VPS33B: variants seen among roughly 807,000 people sequenced by gnomAD.
VPS33B encodes the protein vacuolar protein sorting-associated protein 33B.
Under a neutral mutation model 95.3 loss-of-function variants are expected in VPS33B, and 80 were observed. That is an observed-to-expected ratio of 0.84 (90% CI 0.70 to 1.01). The LOEUF (loss-of-function observed/expected upper bound fraction) is 1.01. VPS33B is among the 50% of genes least tolerant of loss of function. The pLI is 0.00. For synonymous variants in VPS33B, 280 were observed against 280.4 expected (o/e 1.00, Z 0.01); for missense variants, 715 against 773.4 (o/e 0.92, Z 0.90).
At position 91,015,033 on chromosome 15, in the gene VPS33B, T is replaced by A. The variant is rs533651999; in HGVS notation, c.240-600A>T. 3.5e-3 allele frequency among the ~76,000 whole-genome samples: 529 copies of A among 150,946 alleles called. 2 individuals carry two copies. The highest frequency in any genetic ancestry group is 0.012 in the African/African-American group (504 of 40,850). ...CCAGCCAACATGGTGAAACCCCGTC[T>A]CTACTAAAAATACAAACATTGGCTG... On this transcript the variant is annotated intron_variant, in intron 3 of 22. Coordinates refer to ENST00000333371, the MANE Select transcript of VPS33B (RefSeq NM_018668.5). The surrounding 1 kb of genome is among the most constrained non-coding windows in gnomAD (Gnocchi z 4.7).
At chr15:91,003,158 G>A (rs751541954) in intron 16 of VPS33B, 27 bp from the exon 17 acceptor site, 2 of 1,613,694 alleles carry the variant, frequency 1.2e-6, no homozygotes, top group African/African-American at 1.3e-5. Context: ...TAAGACAGGT[G>A]CATGAGAAAG....
chr15:91,008,284 G>A (rs1251980946), intron 6 of VPS33B, among the ~76,000 whole-genome samples: 5 of 152,190 alleles, frequency 3.3e-5, no homozygotes, highest in African/African-American at 1.2e-4. Context: ...TTTATTTAGA[G>A]ATGGAGTTTA....
At chr15:91,019,940 G>C (rs1227403457) in intron 1 of VPS33B, among the ~76,000 whole-genome samples, 2 of 152,042 alleles carry the variant, frequency 1.3e-5, no homozygotes, top group Non-Finnish European at 2.9e-5. Context: ...TGAGTAGCTG[G>C]GATTACAAGC....
chr15:91,007,187 C>G lies in VPS33B; in HGVS notation c.604-141G>C. On this transcript the variant is annotated intron_variant, in intron 8 of 22. Coordinates refer to ENST00000333371, the MANE Select transcript of VPS33B (RefSeq NM_018668.5). This position sits in a 1 kb window ranked among gnomAD's most constrained non-coding sequence, Gnocchi z 5.3. The stretch of plus-strand genomic sequence containing the variant: ...ATTATTCACAATATGGCCCTATCTA[C>G]TCCCGTCTGTGTCTATCTTTCCCCA... The G allele has an allele frequency of 1.1e-6, 1 of 895,338 alleles. No individual in the cohort carries two copies. The highest frequency in any genetic ancestry group is 1.4e-5 in the South Asian group (1 of 73,192). The allele number at this position is 895,338 out of a possible 1,614,324, so 55.5% of individuals were successfully genotyped here.
chr15:91,014,388 A>T lies in VPS33B; in HGVS notation c.285T>A (p.Ile95=), dbSNP rs760926057. 6.2e-7 allele frequency: 1 copy of T among 1,614,162 alleles called. No homozygotes were observed. Among genetic ancestry groups the T allele is most frequent in the Admixed American group, 1.7e-5 (1 of 60,024 alleles). The change falls in exon 4 of 23, where the codon ATT becomes ATA. Residue 95 remains isoleucine (I), a synonymous_variant. Transcript: ENST00000333371. ...VRPRIKNMRY[I]ASLVNADKLA... is the part of the protein sequence containing the mutation. ...ATAGTACCATGGCACACTCACTGGC[A>T]ATGTATCGCATATTCTTGATGCGGG...
chr15:91,014,512 C>T, intron 3 of VPS33B, 79 bp from the exon 4 acceptor site: 1 of 1,526,484 alleles, frequency 6.6e-7, no homozygotes, highest in Non-Finnish European at 9.0e-7. Context: ...TGAAACAATA[C>T]CAACTCTTTT....
chr15:91,006,804 G>C lies in VPS33B; in HGVS notation c.701-75C>G. On this transcript the variant is annotated intron_variant, in intron 9 of 22. Transcript: ENST00000333371. The surrounding 1 kb of genome is among the most constrained non-coding windows in gnomAD (Gnocchi z 5.4). ...ACACAGCATGTCCAAGGGCAGCTTTGATACTTTCCATAGGGCCAAGGACCC... is the reference window on the plus strand; with the variant it reads ...ACACAGCATGTCCAAGGGCAGCTTTCATACTTTCCATAGGGCCAAGGACCC... The C allele has an allele frequency of 6.3e-7, 1 of 1,598,174 alleles. No homozygotes were observed. The highest frequency in any genetic ancestry group is 2.2e-5 in the East Asian group (1 of 44,784).
Position 91,000,400 on chromosome 15 carries a change from T to TAA in VPS33B, c.1581+88_1581+89dup, listed in dbSNP as rs71154160. 4,642 of 1,021,720 alleles carry TAA rather than the reference T, an allele frequency of 4.5e-3. No individual in the cohort carries two copies. The highest frequency in any genetic ancestry group is 5.2e-3 in the Non-Finnish European group (3,781 of 727,744). 63.3% of individuals were successfully genotyped at this position (1,021,720 alleles called of 1,614,324 possible). On this transcript the variant is annotated intron_variant, in intron 20 of 22. Transcript: ENST00000333371. This position sits in a 1 kb window ranked among gnomAD's most constrained non-coding sequence, Gnocchi z 4.9. The stretch of plus-strand genomic sequence containing the variant: ...TGACAGAGCAAGACTCCATCTCAAA[T>TAA]AAAAAAAAAAAAACATTGAGACACG...
Position 91,005,022 on chromosome 15 carries a change from A to G in VPS33B, c.1170+33T>C, listed in dbSNP as rs773379782. On this transcript the variant is annotated intron_variant, in intron 15 of 22. Transcript: ENST00000333371. This position sits in a 1 kb window ranked among gnomAD's most constrained non-coding sequence, Gnocchi z 6.4. Reference sequence around the variant, plus strand: ...AAGGCCGACCCCACCTCTAAATGCCATTCTTGGCACCCCCAGCCCTCCACC... The same window carrying G: ...AAGGCCGACCCCACCTCTAAATGCCGTTCTTGGCACCCCCAGCCCTCCACC... The G allele has an allele frequency of 6.2e-7, 1 of 1,614,034 alleles. No homozygotes were observed.
At position 90,999,854 on chromosome 15, in the gene VPS33B, AG is replaced by A; in HGVS notation, c.1657+45del. The stretch of plus-strand genomic sequence containing the variant: ...CATGCTAGTCCTGAGTGGTGCATCC[AG>A]CCCACCTCTCACTGCCAGCCTACCC... On this transcript the variant is annotated intron_variant, in intron 21 of 22. Coordinates refer to ENST00000333371, the MANE Select transcript of VPS33B (RefSeq NM_018668.5). This position sits in a 1 kb window ranked among gnomAD's most constrained non-coding sequence, Gnocchi z 5.1. 1 of 1,613,624 alleles carries A rather than the reference AG, an allele frequency of 6.2e-7. No individual in the cohort carries two copies. Among genetic ancestry groups the A allele is most frequent in the East Asian group, 2.2e-5 (1 of 44,882 alleles).
chr15:91,004,222 T>TA (rs57109473), intron 16 of VPS33B, among the ~76,000 whole-genome samples: 7,147 of 113,866 alleles, frequency 0.063, 226 homozygotes, highest in Middle Eastern at 0.084. Context: ...GACTCTGTCT[T>TA]AAAAAAAAAA....
In VPS33B at chr15:91,015,229, A is replaced by G. The variant is rs933578127; in HGVS notation, c.240-796T>C. Among the ~76,000 whole-genome samples, 1 of 151,866 alleles carries G rather than the reference A, an allele frequency of 6.6e-6. No homozygotes were observed. The highest frequency in any genetic ancestry group is 1.5e-5 in the Non-Finnish European group (1 of 67,944). Reference sequence around the variant, plus strand: ...CGCATGTCTGTAATCCCAGCTACGCAGGAGGCTGAGGCAGGAGAATCGCTT... The same window carrying G: ...CGCATGTCTGTAATCCCAGCTACGCGGGAGGCTGAGGCAGGAGAATCGCTT... On this transcript the variant is annotated intron_variant, in intron 3 of 22. Coordinates refer to ENST00000333371, the MANE Select transcript of VPS33B (RefSeq NM_018668.5). This position sits in a 1 kb window ranked among gnomAD's most constrained non-coding sequence, Gnocchi z 4.7.
chr15:91,022,256 G>T lies in VPS33B; in HGVS notation c.-7C>A, dbSNP rs2289617. 2 of 1,554,940 alleles carry T rather than the reference G, an allele frequency of 1.3e-6. No individual in the cohort carries two copies. The highest frequency in any genetic ancestry group is 1.2e-5 in the South Asian group (1 of 85,460). ...GCCGATGGGGAAAAGCCATGGCAGC[G>T]GTCACCTGCGCCGCGGGGTGGAAGG... On this transcript the variant is annotated 5_prime_UTR_variant, in exon 1 of 23. Coordinates refer to ENST00000333371, the MANE Select transcript of VPS33B (RefSeq NM_018668.5).
chr15:91,002,021 A>G lies in VPS33B; in HGVS notation c.1405+29T>C. 1.2e-6 allele frequency: 2 copies of G among 1,613,072 alleles called. No homozygotes were observed. The highest frequency in any genetic ancestry group is 1.7e-6 in the Non-Finnish European group (2 of 1,179,934). On this transcript the variant is annotated intron_variant, in intron 18 of 22. Coordinates refer to ENST00000333371, the MANE Select transcript of VPS33B (RefSeq NM_018668.5). This position sits in a 1 kb window ranked among gnomAD's most constrained non-coding sequence, Gnocchi z 4.7. ...TGAGAGAAGTCAGGACAACAGCTGG[A>G]GCAGGGGTCACTTGTGCTCCCTGCT...
intron 1 of VPS33B, among the ~76,000 whole-genome samples, chr15:91,019,196 C>A (rs1201614252): frequency 6.8e-6 from 1 of 146,246 alleles, no homozygotes; most frequent in East Asian, 2.0e-4. Context: ...CAGCTCACTG[C>A]AACCTCTGCC....
At chr15:91,019,114 G>GTTTCT (rs2041030035) in intron 1 of VPS33B, among the ~76,000 whole-genome samples, 1 of 87,780 alleles carries the variant, frequency 1.1e-5, no homozygotes, top group Non-Finnish European at 2.1e-5. Context: ...CTCCTGGCCT[G>GTTTCT]TTTTTTTTTT....
rs1412163103 is a variant in VPS33B at position 91,006,367 on chromosome 15, C to T, written c.852+5G>A. On this transcript the variant is annotated splice_donor_5th_base_variant and intron_variant, in intron 11 of 22. Coordinates refer to ENST00000333371, the MANE Select transcript of VPS33B (RefSeq NM_018668.5). This position sits in a 1 kb window ranked among gnomAD's most constrained non-coding sequence, Gnocchi z 5.4. Reference sequence around the variant, plus strand: ...TGGGCCCATTGCTAGCACCCACACCCTCACCTTGTCCTCGGCATTGAGTAG... The same window carrying T: ...TGGGCCCATTGCTAGCACCCACACCTTCACCTTGTCCTCGGCATTGAGTAG... The T allele has an allele frequency of 1.2e-6, 2 of 1,614,220 alleles. No individual in the cohort carries two copies. The highest frequency in any genetic ancestry group is 3.3e-5 in the Admixed American group (2 of 60,024).
At chr15:91,014,560 T>A in intron 3 of VPS33B, 127 bp from the exon 4 acceptor site, 1 of 1,030,028 alleles carries the variant, frequency 9.7e-7, no homozygotes, top group Admixed American at 1.8e-5. Context: ...GCCAAAGCTA[T>A]GCTATTCTCT....
rs947963000 is a variant in VPS33B at position 91,005,586 on chromosome 15, A to T, written c.1030+108T>A. On this transcript the variant is annotated intron_variant, in intron 13 of 22. Transcript: ENST00000333371. The surrounding 1 kb of genome is among the most constrained non-coding windows in gnomAD (Gnocchi z 6.4). ...TTCCCACTTTACACCAAGTAAGACC[A>T]TATGCATCAGATGAACAGGGATCTC... is the stretch of plus-strand genomic sequence containing the variant. 6.4e-6 allele frequency: 10 copies of T among 1,571,706 alleles called. No individual in the cohort carries two copies. The highest frequency in any genetic ancestry group is 8.8e-6 in the Non-Finnish European group (10 of 1,141,492).
Sources: gnomAD v4.1 joint callset for allele counts (sites outside exome capture counted in the v4.1 genomes callset) on GRCh38, gnomAD v4.1.1 for gene constraint, Gnocchi (gnomAD v3.1) non-coding constraint, MANE v1.5 for transcripts, NCBI Gene and HGNC (gene_info 2026-07-23, HGNC 2026-07-21) for gene names.